The following ELMOD1 variants were observed in gnomAD, a reference collection of about 807,000 sequenced individuals.
The protein encoded by ELMOD1 is ELMO domain-containing protein 1.
A neutral mutation model predicts 46.7 loss-of-function variants in ELMOD1; 21 were observed. That is an observed-to-expected ratio of 0.45 (90% CI 0.32 to 0.65). The LOEUF is 0.65. ELMOD1 is among the 30% of genes least tolerant of loss of function. The pLI is 0.04. For synonymous variants in ELMOD1, 122 were observed against 138.2 expected, an observed-to-expected ratio of 0.88 and a Z score of 0.82; for missense variants, 348 against 407.8, an observed-to-expected ratio of 0.85 and a Z score of 1.26.
At chr11:107,638,707 C>T (rs1866269994) in intron 6 of ELMOD1, among the ~76,000 whole-genome samples, 1 of 152,202 alleles carries the variant, frequency 6.6e-6, no homozygotes, top group African/African-American at 2.4e-5. Context: ...ACCCATTTTA[C>T]AAGTAATATT....
At chr11:107,643,716 C>G (rs1399643436) in intron 6 of ELMOD1, 2 of 505,532 alleles carry the variant, frequency 4.0e-6, no homozygotes, top group East Asian at 1.1e-4. Context: ...TCAGGTGGCT[C>G]AAGATTTTTG....
intron 1 of ELMOD1, among the ~76,000 whole-genome samples, chr11:107,604,397 G>GA (rs1349226010): frequency 2.6e-5 from 4 of 152,258 alleles, no homozygotes; most frequent in African/African-American, 9.6e-5. Context: ...TCAGAGTCAG[G>GA]AAATGAGAGT....
chr11:107,598,426 T>C (rs1370014164), intron 1 of ELMOD1, among the ~76,000 whole-genome samples: 1 of 152,230 alleles, frequency 6.6e-6, no homozygotes, highest in Admixed American at 6.5e-5. Flanking sequence ...AATGACTTAC[T>C]GAGGCCACCA....
intron 6 of ELMOD1, chr11:107,643,544 G>A (rs186866311): frequency 7.7e-5 from 39 of 504,572 alleles, no homozygotes; most frequent in African/African-American, 6.4e-4. Context: ...GAACACTCTT[G>A]GAGTTTTATG....
chr11:107,626,432 C>CA (rs1235221749), intron 2 of ELMOD1, among the ~76,000 whole-genome samples: 2 of 148,280 alleles, frequency 1.3e-5, no homozygotes, highest in African/African-American at 2.5e-5. Context: ...GGAAAGGGTA[C>CA]AATGAATCCC....
At chr11:107,655,866 A>G in intron 10 of ELMOD1, 67 bp from the exon 11 acceptor site, 1 of 1,519,610 alleles carries the variant, frequency 6.6e-7, no homozygotes, top group East Asian at 2.3e-5. Context: ...GTCTTTTAGC[A>G]TGCTAATGGG....
intron 7 of ELMOD1, among the ~76,000 whole-genome samples, chr11:107,649,622 T>C (rs540105877): frequency 2.6e-5 from 4 of 152,336 alleles, no homozygotes; most frequent in Non-Finnish European, 5.9e-5. Flanking sequence ...ATATGTGCAT[T>C]ACAATTGCTG....
chr11:107,653,882 A>T, intron 9 of ELMOD1: 1 of 330,170 alleles, frequency 3.0e-6, no homozygotes, highest in Non-Finnish European at 5.7e-6. Context: ...TAAATGTTTC[A>T]GGAAGGAGGG....
intron 2 of ELMOD1, among the ~76,000 whole-genome samples, chr11:107,618,434 G>A (rs1865896312): frequency 1.3e-5 from 2 of 152,170 alleles, no homozygotes; most frequent in Non-Finnish European, 2.9e-5. Flanking sequence ...GAGAGAGTGT[G>A]GGCACAAAAG....
rs569906567 is a variant in ELMOD1 at position 107,630,695 on chromosome 11, C to T, written c.164-5C>T. 2 of 1,608,092 alleles carry T rather than the reference C, an allele frequency of 1.2e-6. No individual in the cohort carries two copies. Among genetic ancestry groups the T allele is most frequent in the East Asian group, 2.2e-5 (1 of 44,770 alleles). ...GAATGACTGTTTTTGTTGCTGCTTT[C>T]ACAGAAACATCACTGAGGGATTCTA... On this transcript the variant is annotated splice_region_variant and splice_polypyrimidine_tract_variant and intron_variant, in intron 3 of 11. Coordinates refer to ENST00000265840, the MANE Select transcript of ELMOD1 (RefSeq NM_018712.4).
chr11:107,599,269 A>AT (rs1292316492), intron 1 of ELMOD1, among the ~76,000 whole-genome samples: 5 of 151,946 alleles, frequency 3.3e-5, no homozygotes, highest in Non-Finnish European at 7.4e-5. Flanking sequence ...CCAAGAGAAA[A>AT]TTTTTTTCCT....
chr11:107,601,887 G>A (rs1442253366), intron 1 of ELMOD1, among the ~76,000 whole-genome samples: 2 of 151,934 alleles, frequency 1.3e-5, no homozygotes, highest in Admixed American at 1.3e-4. Context: ...AATGCACTCT[G>A]AACTGGTTAG....
At chr11:107,602,779 A>G (rs1260765340) in intron 1 of ELMOD1, among the ~76,000 whole-genome samples, 1 of 151,284 alleles carries the variant, frequency 6.6e-6, no homozygotes, top group African/African-American at 2.4e-5. Context: ...CATGTCAGAA[A>G]CGTCCCTTAG....
At position 107,648,817 on chromosome 11, in the gene ELMOD1, T is replaced by A. The variant is rs139320835; in HGVS notation, c.554+1216T>A. On this transcript the variant is annotated intron_variant, in intron 7 of 11. Coordinates refer to ENST00000265840, the MANE Select transcript of ELMOD1 (RefSeq NM_018712.4). ...CACCACTTGTTAACTCCTGTGTTTT[T>A]ATATGTTTATTGTAACTCAGCTAAT... 2.3e-3 allele frequency among the ~76,000 whole-genome samples: 349 copies of A among 152,284 alleles called. 1 individual carries two copies. The highest frequency in any genetic ancestry group is 0.014 in the Middle Eastern group (4 of 294).
intron 1 of ELMOD1, among the ~76,000 whole-genome samples, chr11:107,599,755 A>AAAAAAAAG (rs1555058610): frequency 7.2e-6 from 1 of 138,824 alleles, no homozygotes; most frequent in African/African-American, 3.0e-5. Flanking sequence ...AAAAAAAGAA[A>AAAAAAAAG]AAAAGAAAAG....
chr11:107,657,441 C>A (rs529523259), intron 11 of ELMOD1, among the ~76,000 whole-genome samples: 2 of 152,188 alleles, frequency 1.3e-5, no homozygotes, highest in Admixed American at 6.5e-5. Flanking sequence ...GTGAGAAGAT[C>A]GCTTGAGCCC....
chr11:107,661,535 C>T (rs907853478), intron 11 of ELMOD1, among the ~76,000 whole-genome samples: 2 of 152,118 alleles, frequency 1.3e-5, no homozygotes, highest in African/African-American at 2.4e-5. Context: ...TATTGGAAAC[C>T]TGACTCTATG....
At chr11:107,631,710 A>C (rs1390791020) in intron 5 of ELMOD1, 33 bp downstream of exon 5, 2 of 1,230,670 alleles carry the variant, frequency 1.6e-6, no homozygotes, top group South Asian at 2.8e-5. Context: ...AAAAATACAG[A>C]ACACAAATCA....
intron 1 of ELMOD1, among the ~76,000 whole-genome samples, chr11:107,613,445 A>C (rs776709759): frequency 2.8e-4 from 43 of 152,242 alleles, no homozygotes; most frequent in Non-Finnish European, 5.0e-4. Context: ...CTCAACCACC[A>C]TGCACACTCC....
Sources: allele counts gnomAD v4.1 joint callset (sites outside exome capture counted in the v4.1 genomes callset), GRCh38; gene constraint gnomAD v4.1.1; transcripts MANE v1.5; gene names NCBI Gene and HGNC (gene_info 2026-07-23, HGNC 2026-07-21).